Variants in GCSAML observed in about 807,000 individuals in gnomAD.
GCSAML encodes the protein germinal center associated signaling and motility like.
Under a neutral mutation model 13.0 loss-of-function variants are expected in GCSAML, and 9 were observed. The observed-to-expected ratio is 0.69, with a 90% confidence interval of 0.42 to 1.21. The LOEUF (loss-of-function observed/expected upper bound fraction) is 1.21, where lower values mean the gene tolerates loss of function less well. Among genes scored for constraint, GCSAML ranks in the 50% most tolerant of loss-of-function variants. GCSAML has a pLI of 0.00. For synonymous variants in GCSAML, 37 were observed against 52.9 expected (o/e 0.70, Z 1.31); for missense variants, 143 against 153.4 (o/e 0.93, Z 0.36).
At chr1:247,511,461 CTT>C (rs1666035011) in intron 1 of GCSAML, among the ~76,000 whole-genome samples, 1 of 152,216 alleles carries the variant, frequency 6.6e-6, no homozygotes, top group South Asian at 2.1e-4. Context: ...GGTCTTGACT[CTT>C]TATTCAACTT....
intron 2 of GCSAML, chr1:247,538,917 G>A (rs1277099592): frequency 3.0e-6 from 1 of 331,132 alleles, no homozygotes; most frequent in Non-Finnish European, 6.0e-6. Flanking sequence ...AACGAACCCT[G>A]TTGTACACCT....
chr1:247,517,283 T>C (rs1306563879), intron 1 of GCSAML, among the ~76,000 whole-genome samples: 3 of 152,254 alleles, frequency 2.0e-5, no homozygotes, highest in African/African-American at 7.2e-5. Context: ...CCCCAAAATG[T>C]ACAGGTATTG....
chr1:247,514,492 T>C (rs1057050525), intron 1 of GCSAML, among the ~76,000 whole-genome samples: 8 of 152,236 alleles, frequency 5.3e-5, no homozygotes, highest in African/African-American at 1.9e-4. Flanking sequence ...TATCTATTTA[T>C]CTTTGTTTTT....
At chr1:247,529,932 T>G (rs1666848984) in intron 2 of GCSAML, 2 of 152,150 alleles carry the variant, frequency 1.3e-5, no homozygotes, top group Admixed American at 6.5e-5. Flanking sequence ...ATTTACAGCC[T>G]GCTGGCTTGC....
chr1:247,513,395 C>CT (rs1366974769), intron 1 of GCSAML, among the ~76,000 whole-genome samples: 4 of 152,226 alleles, frequency 2.6e-5, no homozygotes. Flanking sequence ...CTTCAGACTG[C>CT]TGTACTGGCA....
chr1:247,566,001 C>T lies in GCSAML; in HGVS notation c.168+42C>T, dbSNP rs375598595. 2.4e-5 allele frequency: 34 copies of T among 1,426,926 alleles called. No homozygotes were observed. In the African/African-American group the frequency reaches 4.7e-4, roughly 20 times the overall value. 88.4% of individuals were successfully genotyped at this position (1,426,926 alleles called of 1,614,324 possible). A position where few individuals can be genotyped will look rare whatever the true frequency, so the allele number is the denominator to read the frequency against. On this transcript the variant is annotated intron_variant, in intron 4 of 4. Transcript: ENST00000366488. ...AAGCAAGACAAAAGAAAAACACAAA[C>T]TTTTATTATGTTTGTCTGATAAATG...
At chr1:247,546,427 C>T (rs987215494), upstream of GCSAML, among the ~76,000 whole-genome samples, 1 of 152,066 alleles carries the variant, frequency 6.6e-6, no homozygotes, top group African/African-American at 2.4e-5. Flanking sequence ...GGCGCGATCT[C>T]GGCTCACTGC....
At chr1:247,540,566 C>G (rs1667378717) in intron 2 of GCSAML, among the ~76,000 whole-genome samples, 1 of 152,214 alleles carries the variant, frequency 6.6e-6, no homozygotes, top group Non-Finnish European at 1.5e-5. Context: ...GTGGTGTCTA[C>G]TTTGTTTCTT....
At chr1:247,568,053 C>T (rs1228561668) in intron 4 of GCSAML, among the ~76,000 whole-genome samples, 3 of 151,868 alleles carry the variant, frequency 2.0e-5, no homozygotes, top group African/African-American at 7.3e-5. Context: ...TGTTTAAGTT[C>T]TTTGTAGATT....
upstream of GCSAML, among the ~76,000 whole-genome samples, chr1:247,547,110 AAAAC>A (rs148352237): frequency 0.047 from 7,083 of 152,118 alleles, 558 homozygotes; most frequent in African/African-American, 0.16. Flanking sequence ...CTCAAAGACA[AAAAC>A]AAACAAACAA....
chr1:247,545,587 G>C (rs921670690), upstream of GCSAML, among the ~76,000 whole-genome samples: 4 of 152,148 alleles, frequency 2.6e-5, no homozygotes, highest in African/African-American at 9.7e-5. Flanking sequence ...ACAGGTATGA[G>C]AGCCCTCATC....
At chr1:247,552,583 T>C (rs888673575) in intron 1 of GCSAML, among the ~76,000 whole-genome samples, 23 of 152,224 alleles carry the variant, frequency 1.5e-4, no homozygotes, top group African/African-American at 5.1e-4. Flanking sequence ...CCCTCTTTAG[T>C]CTTTATTTCA....
intron 2 of GCSAML, among the ~76,000 whole-genome samples, chr1:247,543,098 A>G (rs1667460897): frequency 6.6e-6 from 1 of 152,256 alleles, no homozygotes; most frequent in Non-Finnish European, 1.5e-5. Context: ...TCTCAGGGCT[A>G]GAATCAGTGC....
intron 2 of GCSAML, chr1:247,528,618 GA>G (rs1377958562): frequency 6.6e-6 from 1 of 152,228 alleles, no homozygotes; most frequent in African/African-American, 2.4e-5. Context: ...AGGTGTTGCT[GA>G]AAGATGGTGA....
intron 1 of GCSAML, among the ~76,000 whole-genome samples, chr1:247,515,604 G>A (rs185225412): frequency 2.2e-4 from 33 of 152,252 alleles, no homozygotes; most frequent in African/African-American, 5.3e-4. Context: ...CAGGCTGTAC[G>A]GGAATCATGA....
At chr1:247,548,966 G>C, upstream of GCSAML, 1 of 1,113,980 alleles carries the variant, frequency 9.0e-7, no homozygotes, top group Non-Finnish European at 1.3e-6. This position sits in a 1 kb window ranked among gnomAD's most constrained non-coding sequence, Gnocchi z 5.3. Flanking sequence ...GTGTGTGCGT[G>C]CAGGCACACA....
chr1:247,561,964 A>G (rs926011603), intron 2 of GCSAML, among the ~76,000 whole-genome samples: 9 of 152,188 alleles, frequency 5.9e-5, no homozygotes, highest in African/African-American at 2.2e-4. Context: ...CCAAGCAAGG[A>G]GAATGGATCC....
intron 2 of GCSAML, among the ~76,000 whole-genome samples, chr1:247,538,010 C>T (rs945461077): frequency 1.5e-4 from 22 of 150,214 alleles, no homozygotes; most frequent in Admixed American, 1.1e-3. Flanking sequence ...ACTAATTTAT[C>T]TATTTTTTTT....
chr1:247,519,589 C>T (rs1286953483), intron 1 of GCSAML, among the ~76,000 whole-genome samples: 1 of 152,186 alleles, frequency 6.6e-6, no homozygotes, highest in Non-Finnish European at 1.5e-5. Context: ...ATGTCACTTA[C>T]AACATCAATT....
Sources: allele counts gnomAD v4.1 joint callset (sites outside exome capture counted in the v4.1 genomes callset), GRCh38; gene constraint gnomAD v4.1.1; non-coding constraint Gnocchi (gnomAD v3.1); transcripts MANE v1.5; gene names NCBI Gene and HGNC (gene_info 2026-07-23, HGNC 2026-07-21).